The following SERPINB7 variants were observed in gnomAD, a reference collection of about 807,000 sequenced individuals.
SERPINB7 encodes the protein serpin B7.
In SERPINB7, 31 loss-of-function variants were observed where a neutral mutation model predicts 37.4. That is an observed-to-expected ratio of 0.83 (90% CI 0.62 to 1.12). The LOEUF is 1.12. Ranked by LOEUF, SERPINB7 falls within the 50% of genes most tolerant of loss-of-function variation. SERPINB7 has a pLI of 0.00. For synonymous variants in SERPINB7, 163 were observed against 166.1 expected (o/e 0.98, Z 0.14); for missense variants, 521 against 455.3 (o/e 1.14, Z -1.31).
intron 2 of SERPINB7, among the ~76,000 whole-genome samples, chr18:63,783,186 A>AAGAAAGAGAGAGAG (rs2049320533): frequency 4.0e-5 from 3 of 75,226 alleles, no homozygotes; most frequent in African/African-American, 6.0e-5. Context: ...GAAAGAAAGA[A>AAGAAAGAGAGAGAG]AGAGAGAGAG....
chr18:63,766,584 G>A (rs2049181989), intron 1 of SERPINB7, among the ~76,000 whole-genome samples: 1 of 152,070 alleles, frequency 6.6e-6, no homozygotes, highest in African/African-American at 2.4e-5. Context: ...TTTTGCTCAT[G>A]CCCTTGGGGA....
At chr18:63,769,356 C>T (rs1259959958) in intron 1 of SERPINB7, among the ~76,000 whole-genome samples, 1 of 151,576 alleles carries the variant, frequency 6.6e-6, no homozygotes, top group Non-Finnish European at 1.5e-5. Context: ...TTTCTATTTT[C>T]CCACTTATTA....
intron 2 of SERPINB7, among the ~76,000 whole-genome samples, chr18:63,790,489 T>C (rs192539910): frequency 2.6e-5 from 4 of 152,380 alleles, no homozygotes; most frequent in East Asian, 1.9e-4. Flanking sequence ...TTATGCCTGA[T>C]ACACAAAATA....
chr18:63,767,745 G>A (rs1314009711), intron 1 of SERPINB7, among the ~76,000 whole-genome samples: 2 of 151,984 alleles, frequency 1.3e-5, no homozygotes, highest in Non-Finnish European at 2.9e-5. Context: ...TAATATTGGT[G>A]TTATCTCTTC....
In SERPINB7 at chr18:63,783,227, AGAGAG is replaced by A. The variant is rs2049327035; in HGVS notation, c.168+688_168+692del. 4.4e-3 allele frequency among the ~76,000 whole-genome samples: 309 copies of A among 70,506 alleles called. 1 individual carries two copies. The highest frequency in any genetic ancestry group is 7.9e-3 in the Admixed American group (48 of 6,044). 46.3% of individuals were successfully genotyped at this position (70,506 alleles called of 152,430 possible). ...GAGAGAGAGAGAGAGAGAGAGAGAG[AGAGAG>A]AGAAAGAAAGAAAGAAAGAAAGAAA... On this transcript the variant is annotated intron_variant, in intron 2 of 7. Transcript: ENST00000398019.
At chr18:63,778,138 G>A (rs1336618864) in intron 1 of SERPINB7, 2 of 151,980 alleles carry the variant, frequency 1.3e-5, no homozygotes, top group Admixed American at 1.3e-4. Flanking sequence ...GAGATAAGTA[G>A]GGATTATGTG....
chr18:63,782,343 A>T lies in SERPINB7; in HGVS notation c.-18-12A>T, dbSNP rs769337741. ...TACCGGGAACTAATTTCATTTTCTC[A>T]TTGTCCTCTAGGCTGCACTCCATTT... On this transcript the variant is annotated splice_polypyrimidine_tract_variant and intron_variant, in intron 1 of 7. Coordinates refer to ENST00000398019, the MANE Select transcript of SERPINB7 (RefSeq NM_003784.4). 9.8e-6 allele frequency: 14 copies of T among 1,435,496 alleles called. No homozygotes were observed. The highest frequency in any genetic ancestry group is 4.2e-5 in the Admixed American group (2 of 47,432). The allele number at this position is 1,435,496 out of a possible 1,614,324, so 88.9% of individuals were successfully genotyped here. A position where few individuals can be genotyped will look rare whatever the true frequency, so the allele number is the denominator to read the frequency against.
chr18:63,787,842 T>C (rs2049388192), intron 2 of SERPINB7, among the ~76,000 whole-genome samples: 1 of 152,204 alleles, frequency 6.6e-6, no homozygotes, highest in Non-Finnish European at 1.5e-5. Flanking sequence ...CATTTTGGTC[T>C]ATGATGGACC....
At chr18:63,783,490 G>A (rs1377459932) in intron 2 of SERPINB7, among the ~76,000 whole-genome samples, 2 of 152,092 alleles carry the variant, frequency 1.3e-5, no homozygotes, top group South Asian at 2.1e-4. Context: ...GGTTACCGGG[G>A]CACAAAAACA....
At position 63,798,804 on chromosome 18, in the gene SERPINB7, G is replaced by A; in HGVS notation, c.597+58G>A. On this transcript the variant is annotated intron_variant, in intron 6 of 7. Coordinates refer to ENST00000398019, the MANE Select transcript of SERPINB7 (RefSeq NM_003784.4). ...TTTTCCACAATCGTATTCCTTTGCA[G>A]GACTGTGATAGTTACATAGTAAACT... 7 of 1,546,002 alleles carry A rather than the reference G, an allele frequency of 4.5e-6. No homozygotes were observed. The South Asian group carries it at 7.0e-5, about 15-fold the overall frequency.
intron 1 of SERPINB7, chr18:63,753,203 G>T (rs2049102259): frequency 6.6e-6 from 1 of 152,182 alleles, no homozygotes; most frequent in Non-Finnish European, 1.5e-5. Flanking sequence ...AGTGCCTGAG[G>T]TGCTGCATGC....
intron 4 of SERPINB7, 21 bp downstream of exon 4, chr18:63,793,298 TA>T: frequency 1.6e-6 from 2 of 1,235,858 alleles, no homozygotes; most frequent in Admixed American, 3.6e-5. Flanking sequence ...CTGCCTTTGT[TA>T]GAAGGACCTG....
At chr18:63,771,567 A>G (rs1327288267), upstream of SERPINB7, among the ~76,000 whole-genome samples, 1 of 152,002 alleles carries the variant, frequency 6.6e-6, no homozygotes, top group Non-Finnish European at 1.5e-5. Context: ...TTTTTTTCTT[A>G]AAGACAGAAT....
chr18:63,792,507 A>G, intron 3 of SERPINB7, 64 bp downstream of exon 3: 2 of 1,110,306 alleles, frequency 1.8e-6, no homozygotes, highest in Non-Finnish European at 1.4e-6. Flanking sequence ...TCAAGCCTGT[A>G]ATACCAGAAC....
rs1491074489 is a variant in SERPINB7, at chr18:63,785,989, CAT to C, written c.168+3455_168+3456del. ...CATATATAATATACGTATATATACACATATATAATATACGTATATATACACAT... is the reference window on the plus strand; with the variant it reads ...CATATATAATATACGTATATATACACATATAATATACGTATATATACACAT... On this transcript the variant is annotated intron_variant, in intron 2 of 7. Transcript: ENST00000398019. 1.6e-3 allele frequency among the ~76,000 whole-genome samples: 216 copies of C among 136,106 alleles called. 5 individuals are homozygous for C. Among genetic ancestry groups the C allele is most frequent in the African/African-American group, 5.9e-3 (201 of 34,142 alleles). The allele number at this position is 136,106 out of a possible 152,430, so 89.3% of individuals were successfully genotyped here.
chr18:63,763,260 GCTA>G (rs1427789801), intron 1 of SERPINB7, among the ~76,000 whole-genome samples: 3 of 152,114 alleles, frequency 2.0e-5, no homozygotes, highest in African/African-American at 7.2e-5. Context: ...CAACTTTCCT[GCTA>G]CTATTTTTTT....
Position 63,793,264 on chromosome 18 carries a change from AT to A in SERPINB7, c.324del (p.Tyr108Ter), listed in dbSNP as rs1568212213. 2 of 1,580,062 alleles carry A rather than the reference AT, an allele frequency of 1.3e-6. No homozygotes were observed. Among genetic ancestry groups the A allele is most frequent in the Non-Finnish European group, 1.7e-6 (2 of 1,153,942 alleles). The part of the protein sequence containing the change: ...IVNGLFAEKV[Y>X]GFHKDYIECA... ...AATGGGCTTTTTGCTGAAAAAGTGT[AT>A]GGCTTTCATAAGGTAAGTGAAACTG... On this transcript the variant is annotated frameshift_variant, in exon 4 of 8. Transcript: ENST00000398019. LOFTEE classifies it high-confidence loss of function.
At chr18:63,783,510 A>T (rs766929749) in intron 2 of SERPINB7, among the ~76,000 whole-genome samples, 3 of 152,170 alleles carry the variant, frequency 2.0e-5, no homozygotes, top group Non-Finnish European at 2.9e-5. Flanking sequence ...ATCATAGTAC[A>T]TTCCAGATAA....
At position 63,798,629 on chromosome 18, in the gene SERPINB7, A is replaced by G. The variant is rs1482448210; in HGVS notation, c.480A>G (p.Glu160=). ...THGKIKNVIG[E]GGISSSAVMV... Reference sequence around the variant, plus strand: ...GCAAAATCAAGAACGTGATTGGTGAAGGTGGCATAAGCTCATCTGCTGTAA... The same window carrying G: ...GCAAAATCAAGAACGTGATTGGTGAGGGTGGCATAAGCTCATCTGCTGTAA... Residue 160 remains glutamate, a synonymous_variant, in exon 6 of 8, where the codon GAA becomes GAG. Transcript: ENST00000398019. 8.2e-6 allele frequency: 13 copies of G among 1,584,158 alleles called. No individual in the cohort carries two copies. Among genetic ancestry groups the G allele is most frequent in the Non-Finnish European group, 1.1e-5 (13 of 1,166,378 alleles).
Sources: gnomAD v4.1 joint callset for allele counts (sites outside exome capture counted in the v4.1 genomes callset) on GRCh38, gnomAD v4.1.1 for gene constraint, MANE v1.5 for transcripts, NCBI Gene and HGNC (gene_info 2026-07-23, HGNC 2026-07-21) for gene names.